SLC9A7: variants seen among roughly 807,000 people sequenced by gnomAD.
SLC9A7 encodes the protein sodium/hydrogen exchanger 7.
Under a neutral mutation model 52.6 loss-of-function variants are expected in SLC9A7, and 19 were observed. The ratio of observed to expected loss-of-function variants is 0.36; its 90% confidence interval spans 0.25 to 0.53. The LOEUF (loss-of-function observed/expected upper bound fraction) is 0.53. Among genes scored for constraint, SLC9A7 ranks in the 20% least tolerant of loss-of-function variants. The pLI is 0.91. For synonymous variants in SLC9A7, 226 were observed against 252.1 expected, an observed-to-expected ratio of 0.90 and a Z score of 0.98; for missense variants, 455 against 597.9, an observed-to-expected ratio of 0.76 and a Z score of 2.49.
intron 4 of SLC9A7, among the ~76,000 whole-genome samples, chrX:46,671,157 C>T (rs1159516462): frequency 1.8e-5 from 2 of 112,003 alleles, no homozygotes; most frequent in Non-Finnish European, 1.9e-5. Context: ...TAGTTTTTAA[C>T]CTAATGTCCT....
intron 7 of SLC9A7, among the ~76,000 whole-genome samples, chrX:46,658,709 T>G (rs1862046354): frequency 9.0e-6 from 1 of 111,122 alleles, no homozygotes; most frequent in African/African-American, 3.3e-5. Flanking sequence ...AATAACAGGA[T>G]CTGAAATTGT....
At chrX:46,677,870 C>T (rs964535411) in intron 3 of SLC9A7, among the ~76,000 whole-genome samples, 1 of 112,032 alleles carries the variant, frequency 8.9e-6, no homozygotes, top group Non-Finnish European at 1.9e-5. Flanking sequence ...ATTATAAACT[C>T]AATTTCTTTA....
rs148336038 is a variant in SLC9A7 at position 46,611,432 on chromosome X, G to C, written c.1929+1857C>G. Among the ~76,000 whole-genome samples the C allele has an allele frequency of 3.5e-3, 394 of 112,299 alleles. 2 individuals are homozygous for C. Among genetic ancestry groups the C allele is most frequent in the African/African-American group, 0.012 (361 of 30,889 alleles). The stretch of plus-strand genomic sequence containing the variant: ...GTCATTTAAAACCAGTTTATCACAG[G>C]TGGCACAGGAATTTCATTTTTATAT... On this transcript the variant is annotated intron_variant, in intron 16 of 16. Transcript: ENST00000616978.
At chrX:46,650,943 A>G (rs188096977) in intron 10 of SLC9A7, among the ~76,000 whole-genome samples, 167 bp downstream of exon 10, 4 of 111,294 alleles carry the variant, frequency 3.6e-5, no homozygotes, top group African/African-American at 1.3e-4. Context: ...GTGAACTAGC[A>G]TGGAGTTAGT....
chrX:46,757,704 A>G (rs1922779246), intron 1 of SLC9A7, among the ~76,000 whole-genome samples: 1 of 108,255 alleles, frequency 9.2e-6, no homozygotes, highest in Non-Finnish European at 1.9e-5. Flanking sequence ...ATTACATTCA[A>G]AAAGAGAATA....
At chrX:46,647,299 C>G (rs1943509574) in intron 11 of SLC9A7, 1 of 160,085 alleles carries the variant, frequency 6.2e-6, no homozygotes, top group African/African-American at 3.1e-5. Flanking sequence ...GGCACTTTCA[C>G]CGTGCCAGAT....
chrX:46,676,243 C>T (rs1281171621), intron 3 of SLC9A7, among the ~76,000 whole-genome samples: 2 of 111,054 alleles, frequency 1.8e-5, no homozygotes, highest in African/African-American at 6.6e-5. Flanking sequence ...CTGAGCCTTC[C>T]GTGGGATCTG....
At chrX:46,727,224 GCCACACAGCCTGC>G (rs1260197138) in intron 1 of SLC9A7, among the ~76,000 whole-genome samples, 18 of 112,132 alleles carry the variant, frequency 1.6e-4, no homozygotes, top group Non-Finnish European at 3.0e-4. Context: ...CCTAAACTCA[GCCACACAGCCTGC>G]TTCACCCTTT....
In SLC9A7 at chrX:46,707,494, C is replaced by T. The variant is rs73493083; in HGVS notation, c.326-24959G>A. Among the ~76,000 whole-genome samples the T allele has an allele frequency of 9.2e-3, 1,028 of 111,600 alleles. 13 individuals carry two copies. The highest frequency in any genetic ancestry group is 0.032 in the African/African-American group (976 of 30,757). On this transcript the variant is annotated intron_variant, in intron 1 of 16. Transcript: ENST00000616978. ...ATTTATGCCAAGGTCTACTTGGCTG[C>T]CCTCTCAGGAAAGGGAGCCCAAGGT... is the stretch of plus-strand genomic sequence containing the variant.
chrX:46,602,812 G>A lies in SLC9A7; in HGVS notation c.*4140C>T, dbSNP rs1432204585. On this transcript the variant is annotated 3_prime_UTR_variant, in exon 17 of 17. Coordinates refer to ENST00000616978, the MANE Select transcript of SLC9A7 (RefSeq NM_001257291.2). Reference sequence around the variant, plus strand: ...CCTTGTGTTGAATGATGCCTGACATGGCATAGGCAAAATTCTTCTAGATGT... The same window carrying A: ...CCTTGTGTTGAATGATGCCTGACATAGCATAGGCAAAATTCTTCTAGATGT... 8.9e-5 allele frequency: 10 copies of A among 112,218 alleles called. No individual in the cohort carries two copies. Among genetic ancestry groups the A allele is most frequent in the African/African-American group, 6.5e-5 (2 of 30,904 alleles). 9.2% of individuals were successfully genotyped at this position (112,218 alleles called of 1,213,427 possible).
rs1943035514 is a variant in SLC9A7 at position 46,620,916 on chromosome X, A to G, written c.1823+61T>C. 4 of 871,164 alleles carry G rather than the reference A, an allele frequency of 4.6e-6. No homozygotes were observed. The South Asian group carries it at 6.8e-5, about 15-fold the overall frequency. 71.8% of individuals were successfully genotyped at this position (871,164 alleles called of 1,213,427 possible). A position where few individuals can be genotyped will look rare whatever the true frequency, so the allele number is the denominator to read the frequency against. On this transcript the variant is annotated intron_variant, in intron 15 of 16. Coordinates refer to ENST00000616978, the MANE Select transcript of SLC9A7 (RefSeq NM_001257291.2). ...ACTTATCAGGTGTCATTCACCGACA[A>G]TTCAACAAGATTTCATCCCCAATGT...
At chrX:46,654,982 CTTTT>C (rs60881484) in intron 7 of SLC9A7, among the ~76,000 whole-genome samples, 9 of 83,602 alleles carry the variant, frequency 1.1e-4, no homozygotes, top group South Asian at 5.5e-4. Context: ...TTCTTTCTTT[CTTTT>C]TTTTTTTTTT....
intron 11 of SLC9A7, among the ~76,000 whole-genome samples, chrX:46,645,618 C>CTTTTT (rs34064206): frequency 1.0e-4 from 8 of 78,060 alleles, no homozygotes; most frequent in African/African-American, 4.3e-4. Context: ...TCCCCACTCC[C>CTTTTT]TTTTTTTTTT....
intron 11 of SLC9A7, among the ~76,000 whole-genome samples, chrX:46,647,690 G>C (rs1373923492): frequency 6.2e-5 from 7 of 112,880 alleles, no homozygotes; most frequent in Non-Finnish European, 1.3e-4. Context: ...TATGAAAAGA[G>C]GATGCTCAAT....
rs367543809 is a variant in SLC9A7, at chrX:46,643,394, G to A, written c.1463-5C>T. ...ATGCCATTGCTCCCCTGAGGCCTGC[G>A]GGGACCAAAGAAGAAGATCTACTTA... On this transcript the variant is annotated splice_polypyrimidine_tract_variant and splice_region_variant and intron_variant, in intron 11 of 16. Transcript: ENST00000616978. The A allele has an allele frequency of 1.5e-5, 18 of 1,198,147 alleles. No homozygotes were observed. In the East Asian group the frequency reaches 2.7e-4, roughly 18 times the overall value.
chrX:46,746,642 A>C (rs1921803490), intron 1 of SLC9A7, among the ~76,000 whole-genome samples: 1 of 112,464 alleles, frequency 8.9e-6, no homozygotes, highest in Admixed American at 9.4e-5. Context: ...AGGCAACAAC[A>C]GATGACAACA....
At chrX:46,688,301 G>A (rs952950182) in intron 1 of SLC9A7, among the ~76,000 whole-genome samples, 6 of 111,541 alleles carry the variant, frequency 5.4e-5, no homozygotes, top group Admixed American at 1.9e-4. Flanking sequence ...CAACACATGA[G>A]AGTTACAGTT....
intron 1 of SLC9A7, among the ~76,000 whole-genome samples, chrX:46,724,665 T>C (rs769867435): frequency 2.2e-4 from 24 of 111,387 alleles, no homozygotes; most frequent in Admixed American, 1.0e-3. Context: ...TTGGACACAG[T>C]AATGATTTGT....
chrX:46,725,764 C>A, intron 1 of SLC9A7: 1 of 978,875 alleles, frequency 1.0e-6, no homozygotes, highest in South Asian at 1.9e-5. Flanking sequence ...TCAATGCAGT[C>A]AGTCAGGCTG....
Sources: gnomAD v4.1 joint callset for allele counts (sites outside exome capture counted in the v4.1 genomes callset) on GRCh38, gnomAD v4.1.1 for gene constraint, MANE v1.5 for transcripts, NCBI Gene and HGNC (gene_info 2026-07-23, HGNC 2026-07-21) for gene names.